Variants in GTF3C2 observed in about 807,000 individuals in gnomAD.
GTF3C2 encodes general transcription factor 3C polypeptide 2.
In GTF3C2, 17 loss-of-function variants were observed where a neutral mutation model predicts 117.4. That is an observed-to-expected ratio of 0.14 (90% CI 0.10 to 0.22). The LOEUF (loss-of-function observed/expected upper bound fraction) is 0.22. Ranked by LOEUF, GTF3C2 falls within the 10% of genes least tolerant of loss-of-function variation. The pLI is 1.00. For missense variants in GTF3C2, 888 were observed against 1,143.6 expected (o/e 0.78, Z 3.22); for synonymous variants, 437 against 427.0 (o/e 1.02, Z -0.29).
At chr2:27,332,472 T>C (rs181442245) in intron 12 of GTF3C2, among the ~76,000 whole-genome samples, 9 of 152,186 alleles carry the variant, frequency 5.9e-5, no homozygotes, top group Non-Finnish European at 1.3e-4. Flanking sequence ...TAGAGTACAG[T>C]GGCACCATCT....
At chr2:27,327,474 G>C (rs1003370932) in intron 17 of GTF3C2, among the ~76,000 whole-genome samples, 190 bp from the exon 18 acceptor site, 2 of 151,908 alleles carry the variant, frequency 1.3e-5, no homozygotes, top group African/African-American at 4.8e-5. Context: ...ACAGGCGCCC[G>C]CCGTCACGCC....
intron 1 of GTF3C2, among the ~76,000 whole-genome samples, chr2:27,352,680 T>TA (rs909333770): frequency 6.6e-6 from 1 of 152,152 alleles, no homozygotes; most frequent in Non-Finnish European, 1.5e-5. Flanking sequence ...TATATAGATA[T>TA]AAAAAAAGTT....
intron 10 of GTF3C2, 51 bp downstream of exon 10, chr2:27,335,547 A>G: frequency 1.9e-6 from 2 of 1,032,944 alleles, no homozygotes; most frequent in Non-Finnish European, 1.5e-6. Context: ...AGGCCCTGCT[A>G]TGCTGTGACC....
chr2:27,344,809 C>A (rs187709300), intron 1 of GTF3C2, among the ~76,000 whole-genome samples: 5 of 151,282 alleles, frequency 3.3e-5, no homozygotes, highest in Admixed American at 1.3e-4. Flanking sequence ...CATAGGGAGA[C>A]CTCATCTCTA....
At chr2:27,337,421 A>G in intron 6 of GTF3C2, 60 bp downstream of exon 6, 1 of 1,456,272 alleles carries the variant, frequency 6.9e-7, no homozygotes, top group Admixed American at 1.7e-5. Context: ...AGCCTCTGTC[A>G]CCCTTTCGTC....
At chr2:27,328,247 G>A in intron 16 of GTF3C2, 58 bp from the exon 17 acceptor site, 1 of 1,406,276 alleles carries the variant, frequency 7.1e-7, no homozygotes, top group Non-Finnish European at 9.8e-7. Flanking sequence ...TAAAAGCAGA[G>A]GAAAGTGGTT....
chr2:27,326,158 C>G (rs749346507), exon 19 of GTF3C2: 1 of 468,574 alleles, frequency 2.1e-6, no homozygotes, highest in Non-Finnish European at 4.4e-6. Flanking sequence ...CAAAGAAGTA[C>G]TCTAAGCAAC....
intron 12 of GTF3C2, among the ~76,000 whole-genome samples, chr2:27,332,199 G>T (rs1680295431): frequency 1.3e-5 from 2 of 151,942 alleles, no homozygotes. Flanking sequence ...TAGCTAGTTA[G>T]TTAAAGATGG....
chr2:27,342,521 G>A (rs1572576886), intron 3 of GTF3C2: 4 of 539,218 alleles, frequency 7.4e-6, no homozygotes, highest in African/African-American at 1.9e-5. Context: ...GAGGGCAAGA[G>A]AAAGAATGGA....
rs542115870 is a variant in GTF3C2 at position 27,341,026 on chromosome 2, GTGTTT to G, written c.855+917_855+921del. Among the ~76,000 whole-genome samples the G allele has an allele frequency of 4.6e-3, 692 of 151,972 alleles. 1 individual carries two copies. Among genetic ancestry groups the G allele is most frequent in the African/African-American group, 0.014 (568 of 41,434 alleles). The stretch of plus-strand genomic sequence containing the variant: ...TACAGTTTGTGTACAACTGAATTGT[GTGTTT>G]TGTTTTGTTTTGTTTTGTTTTTGAG... On this transcript the variant is annotated intron_variant, in intron 4 of 18. Coordinates refer to ENST00000264720, the Ensembl canonical transcript of GTF3C2.
At chr2:27,330,586 T>C (rs781292795) in intron 12 of GTF3C2, among the ~76,000 whole-genome samples, 11 of 152,086 alleles carry the variant, frequency 7.2e-5, no homozygotes, top group Admixed American at 2.0e-4. Context: ...TCCTAGCACT[T>C]TGGGAGGTAA....
At chr2:27,326,153 A>T (rs1473301173) in exon 19 of GTF3C2, 2 of 466,622 alleles carry the variant, frequency 4.3e-6, no homozygotes, top group Non-Finnish European at 8.9e-6. Context: ...TTGGTCAAAG[A>T]AGTACTCTAA....
At chr2:27,335,620 G>A (rs202179480) in exon 10 of GTF3C2, 2 of 1,552,502 alleles carry the variant, frequency 1.3e-6, no homozygotes, top group Non-Finnish European at 1.7e-6. Flanking sequence ...GAGCCAGCAG[G>A]GCCTCCGGAT....
At chr2:27,337,901 C>A in intron 5 of GTF3C2, 25 bp downstream of exon 5, 1 of 1,400,622 alleles carries the variant, frequency 7.1e-7, no homozygotes, top group South Asian at 1.1e-5. Flanking sequence ...TTTATTAACC[C>A]CAGCCCCCTG....
At position 27,352,224 on chromosome 2, in the gene GTF3C2, C is replaced by G. The variant is rs559944238; in HGVS notation, c.-25+4515G>C. Among the ~76,000 whole-genome samples, 5 of 152,234 alleles carry G rather than the reference C, an allele frequency of 3.3e-5. No individual in the cohort carries two copies. The East Asian group carries it at 9.6e-4, about 29-fold the overall frequency. ...AAACTCAAGCCCTGTTAAGTTCAAC[C>G]ATCCAACTCTTTTATGTGTGAATCT... On this transcript the variant is annotated intron_variant, in intron 1 of 18. Coordinates refer to ENST00000264720, the Ensembl canonical transcript of GTF3C2.
chr2:27,336,151 T>G, intron 8 of GTF3C2, 47 bp downstream of exon 8: 1 of 1,486,228 alleles, frequency 6.7e-7, no homozygotes, highest in East Asian at 2.3e-5. Flanking sequence ...GACCCCATCC[T>G]GCTGTCCTCA....
chr2:27,342,141 G>A, exon 4 of GTF3C2: 1 of 1,614,142 alleles, frequency 6.2e-7, no homozygotes, highest in Non-Finnish European at 8.5e-7. Context: ...CGGTTTGGTG[G>A]GGCTGCTCAC....
At chr2:27,340,267 CAG>C (rs1404317712) in intron 4 of GTF3C2, 1 of 151,972 alleles carries the variant, frequency 6.6e-6, no homozygotes, top group African/African-American at 2.4e-5. Flanking sequence ...TTTTTAAAGA[CAG>C]AGTCTGGCTG....
chr2:27,345,880 A>C (rs1680900301), intron 1 of GTF3C2, among the ~76,000 whole-genome samples: 1 of 150,970 alleles, frequency 6.6e-6, no homozygotes, highest in Non-Finnish European at 1.5e-5. Context: ...CACCCAGCTA[A>C]ATTTTTGTAT....
Sources: allele counts gnomAD v4.1 joint callset (sites outside exome capture counted in the v4.1 genomes callset), GRCh38; gene constraint gnomAD v4.1.1; transcripts MANE v1.5; gene names NCBI Gene and HGNC (gene_info 2026-07-23, HGNC 2026-07-21).